EMC8: variants seen among roughly 807,000 people sequenced by gnomAD.
EMC8 encodes COX4 neighbor.
EMC8 carries 11 observed loss-of-function variants against 24.3 expected under a neutral mutation model. The ratio of observed to expected loss-of-function variants is 0.45; its 90% confidence interval spans 0.28 to 0.75. The LOEUF (loss-of-function observed/expected upper bound fraction) is 0.75. Among genes scored for constraint, EMC8 ranks in the 30% least tolerant of loss-of-function variants. The pLI is 0.12. For missense variants in EMC8, 277 were observed against 282.7 expected (o/e 0.98, Z 0.14); for synonymous variants, 145 against 117.7 (o/e 1.23, Z -1.50).
At chr16:85,793,239 T>C (rs1422318716) in intron 1 of EMC8, among the ~76,000 whole-genome samples, 1 of 152,130 alleles carries the variant, frequency 6.6e-6, no homozygotes, top group Non-Finnish European at 1.5e-5. Flanking sequence ...GACTGTACAA[T>C]AACCGTAAAG....
At chr16:85,798,714 A>G (rs1427280825) in intron 1 of EMC8, 3 of 260,974 alleles carry the variant, frequency 1.1e-5, no homozygotes, top group African/African-American at 2.2e-5. Context: ...AACAACGTGA[A>G]CACTTCCTGC....
At chr16:85,789,700 G>A (rs991218361) in intron 1 of EMC8, among the ~76,000 whole-genome samples, 7 of 151,876 alleles carry the variant, frequency 4.6e-5, no homozygotes, top group African/African-American at 1.7e-4. Context: ...GCTGAGGCAG[G>A]AGAATCACTT....
At chr16:85,791,354 A>T (rs1905002439) in intron 1 of EMC8, among the ~76,000 whole-genome samples, 1 of 152,104 alleles carries the variant, frequency 6.6e-6, no homozygotes, top group African/African-American at 2.4e-5. Flanking sequence ...CAGAATATGC[A>T]GGTTTGTTAC....
At chr16:85,779,957 G>A (rs1170968550) in intron 4 of EMC8, 90 bp from the exon 5 acceptor site, 3 of 1,068,302 alleles carry the variant, frequency 2.8e-6, no homozygotes, top group Non-Finnish European at 4.3e-6. Context: ...CACATGCACA[G>A]TGGTATGAAC....
intron 1 of EMC8, among the ~76,000 whole-genome samples, chr16:85,793,828 G>T (rs1905122601): frequency 6.6e-6 from 1 of 152,100 alleles, no homozygotes; most frequent in Admixed American, 6.6e-5. Context: ...ACATTTTATG[G>T]GTTTCTGCTA....
intron 1 of EMC8, among the ~76,000 whole-genome samples, chr16:85,790,445 T>C (rs1904951685): frequency 6.6e-6 from 1 of 152,222 alleles, no homozygotes; most frequent in Non-Finnish European, 1.5e-5. Flanking sequence ...AAAATATCTA[T>C]AATGGTGCTA....
chr16:85,797,573 G>T (rs1430690057), intron 1 of EMC8, among the ~76,000 whole-genome samples: 2 of 152,170 alleles, frequency 1.3e-5, no homozygotes, highest in Non-Finnish European at 2.9e-5. Context: ...GAAATGATAT[G>T]AAGTTTAACT....
rs141023992 is a variant in EMC8, at chr16:85,779,847, G to A, written c.494C>T (p.Pro165Leu). Reference protein sequence around the residue: ...DPHHDYCEDWPEAQRISASLL... With the variant: ...DPHHDYCEDWLEAQRISASLL... ...CGAGGCTGAGATCCTCTGTGCCTCT[G>A]GCCAGTCTTCACAGTAGTCACTACG... The change falls in exon 5 of 5, where the codon CCA becomes CTA. Residue 165 changes from proline to leucine, a missense_variant. Coordinates refer to ENST00000253457, the MANE Select transcript of EMC8 (RefSeq NM_006067.5). The A allele has an allele frequency of 1.1e-5, 17 of 1,613,892 alleles. No individual in the cohort carries two copies. Among genetic ancestry groups the A allele is most frequent in the Middle Eastern group, 3.3e-4 (2 of 6,070 alleles).
At chr16:85,780,898 T>A (rs141431499) in intron 3 of EMC8, 36 of 472,444 alleles carry the variant, frequency 7.6e-5, no homozygotes, top group African/African-American at 6.8e-4. Context: ...CATGGACTGC[T>A]GGGCTAAACC....
At chr16:85,798,278 C>T (rs901988097) in intron 1 of EMC8, among the ~76,000 whole-genome samples, 2 of 151,940 alleles carry the variant, frequency 1.3e-5, no homozygotes, top group African/African-American at 2.4e-5. Context: ...CCCGCCACCA[C>T]GCCCGGCTAA....
chr16:85,780,705 C>T lies in EMC8; in HGVS notation c.379-232G>A, dbSNP rs148060057. 5.6e-3 allele frequency: 3,172 copies of T among 563,950 alleles called. 17 individuals are homozygous for T. The highest frequency in any genetic ancestry group is 8.3e-3 in the Non-Finnish European group (2,618 of 313,818). The allele number at this position is 563,950 out of a possible 1,614,324, so 34.9% of individuals were successfully genotyped here. A position where few individuals can be genotyped will look rare whatever the true frequency, so the allele number is the denominator to read the frequency against. ...TTTTCACAAAAGCGAAGCTTCCAAA[C>T]ATGACTTCTTCCCTCATCCTAGGAT... is the stretch of plus-strand genomic sequence containing the variant. On this transcript the variant is annotated intron_variant, in intron 3 of 4. Coordinates refer to ENST00000253457, the MANE Select transcript of EMC8 (RefSeq NM_006067.5).
At chr16:85,786,143 G>C (rs1034916565) in intron 2 of EMC8, among the ~76,000 whole-genome samples, 2 of 152,196 alleles carry the variant, frequency 1.3e-5, no homozygotes, top group African/African-American at 4.8e-5. Context: ...CTGTCCTCAT[G>C]ACTACTCTCT....
intron 2 of EMC8, among the ~76,000 whole-genome samples, chr16:85,782,851 C>T (rs1293513053): frequency 2.6e-5 from 4 of 152,204 alleles, no homozygotes; most frequent in African/African-American, 4.8e-5. Flanking sequence ...TGCTCTTCCC[C>T]ACCCTGCAGG....
At chr16:85,781,798 T>C (rs929724732) in intron 2 of EMC8, 4 of 154,440 alleles carry the variant, frequency 2.6e-5, no homozygotes, top group Admixed American at 2.6e-4. Context: ...TCCCCACATA[T>C]GAAGAAATCG....
Position 85,780,417 on chromosome 16 carries a change from C to T in EMC8, c.435G>A (p.Glu145=), listed in dbSNP as rs763517968. 3 of 1,614,218 alleles carry T rather than the reference C, an allele frequency of 1.9e-6. No individual in the cohort carries two copies. In the South Asian group the frequency reaches 3.3e-5, roughly 18 times the overall value. The part of the protein sequence containing the change: ...DCVAPTIHVY[E]HHENRWRCRD... ...TGCACCGCCATCTGTTCTCATGGTG[C>T]TCGTACACGTGGATCGTAGGCGCTA... Residue 145 remains glutamate, a synonymous_variant, in exon 4 of 5, where the codon GAG becomes GAA. Coordinates refer to ENST00000253457, the MANE Select transcript of EMC8 (RefSeq NM_006067.5).
At position 85,799,335 on chromosome 16, in the gene EMC8, C is replaced by T. The variant is rs1276748812; in HGVS notation, c.-40G>A. 7.0e-7 allele frequency: 1 copy of T among 1,438,532 alleles called. No homozygotes were observed. Among genetic ancestry groups the T allele is most frequent in the South Asian group, 1.2e-5 (1 of 83,192 alleles). 89.1% of individuals were successfully genotyped at this position (1,438,532 alleles called of 1,614,324 possible). A position where few individuals can be genotyped will look rare whatever the true frequency, so the allele number is the denominator to read the frequency against. ...GCCCCGGAGGCCCCTGGGCGCGCGGCTGAGGCCTGGACCCGCTGCCTGGCC... is the reference window on the plus strand; with the variant it reads ...GCCCCGGAGGCCCCTGGGCGCGCGGTTGAGGCCTGGACCCGCTGCCTGGCC... On this transcript the variant is annotated 5_prime_UTR_variant, in exon 1 of 5. Transcript: ENST00000253457. This position sits in a 1 kb window ranked among gnomAD's most constrained non-coding sequence, Gnocchi z 4.2.
chr16:85,788,654 C>T (rs1366435994), intron 2 of EMC8, among the ~76,000 whole-genome samples: 2 of 152,222 alleles, frequency 1.3e-5, no homozygotes, highest in African/African-American at 2.4e-5. Flanking sequence ...CCCAACACCA[C>T]CCCTAGTCTG....
rs529894288 is a variant in EMC8, at chr16:85,788,909, G to A, written c.308+65C>T. The A allele has an allele frequency of 1.2e-5, 14 of 1,171,916 alleles. 1 individual carries two copies. Among genetic ancestry groups the A allele is most frequent in the Non-Finnish European group, 1.7e-5 (13 of 777,406 alleles). 72.6% of individuals were successfully genotyped at this position (1,171,916 alleles called of 1,614,324 possible). On this transcript the variant is annotated intron_variant, in intron 2 of 4. Coordinates refer to ENST00000253457, the MANE Select transcript of EMC8 (RefSeq NM_006067.5). ...TTTCGTATCTGGCCGAAAAGCACAC[G>A]AGAGACGGGGTCTGCCCAACACGTG... is the stretch of plus-strand genomic sequence containing the variant.
rs752673878 is a variant in EMC8, at chr16:85,781,198, A to T, written c.378+13T>A. 11 of 1,609,930 alleles carry T rather than the reference A, an allele frequency of 6.8e-6. No homozygotes were observed. Among genetic ancestry groups the T allele is most frequent in the Non-Finnish European group, 8.5e-6 (10 of 1,176,318 alleles). On this transcript the variant is annotated intron_variant, in intron 3 of 4. Coordinates refer to ENST00000253457, the MANE Select transcript of EMC8 (RefSeq NM_006067.5). ...CGCAAGGGCCTCCCACATGCTGCAC[A>T]GAAGCGACTTACCATGATGAGCGCA...
Sources: allele counts gnomAD v4.1 joint callset (sites outside exome capture counted in the v4.1 genomes callset), GRCh38; gene constraint gnomAD v4.1.1; non-coding constraint Gnocchi (gnomAD v3.1); transcripts MANE v1.5; gene names NCBI Gene and HGNC (gene_info 2026-07-23, HGNC 2026-07-21).